Variants in CCDC88C observed in about 807,000 individuals in gnomAD.
The protein encoded by CCDC88C is protein Daple.
CCDC88C carries 131 observed loss-of-function variants against 198.8 expected under a neutral mutation model. The ratio of observed to expected loss-of-function variants is 0.66; its 90% CI spans 0.57 to 0.76. The LOEUF is 0.76. CCDC88C is among the 30% of genes least tolerant of loss of function. The pLI, the probability that CCDC88C is intolerant of heterozygous loss-of-function variation, is 0.00. For synonymous variants in CCDC88C, 1,166 were observed against 1,114.7 expected (o/e 1.05, Z -0.92); for missense variants, 2,553 against 2,631.6 (o/e 0.97, Z 0.65).
rs202080335 is a variant in CCDC88C, at chr14:91,339,887, G to A, written c.621C>T (p.Thr207=). ...RRLIDQRDEC[T]ELIVDLTQER... ...GGCCACCGACCCGCGGACGCACCTC[G>A]GTGCACTCGTCCCGCTGGTCGATGA... The change falls in exon 7 of 30, where the codon ACC becomes ACT. Residue 207 remains threonine (T), a synonymous_variant. Transcript: ENST00000389857. This position sits in a 1 kb window ranked among gnomAD's most constrained non-coding sequence, Gnocchi z 5.8. 1.6e-5 allele frequency: 26 copies of A among 1,584,340 alleles called. No individual in the cohort carries two copies. The highest frequency in any genetic ancestry group is 1.6e-4 in the Admixed American group (9 of 56,868).
rs1326814529 is a variant in CCDC88C at position 91,288,967 on chromosome 14, G to A, written c.4441+138C>T. The A allele has an allele frequency of 1.1e-5, 7 of 658,996 alleles. No individual in the cohort carries two copies. The highest frequency in any genetic ancestry group is 8.3e-5 in the East Asian group (3 of 36,362). The allele number at this position is 658,996 out of a possible 1,614,324, so 40.8% of individuals were successfully genotyped here. A position where few individuals can be genotyped will look rare whatever the true frequency, so the allele number is the denominator to read the frequency against. On this transcript the variant is annotated intron_variant, in intron 25 of 29. Coordinates refer to ENST00000389857, the MANE Select transcript of CCDC88C (RefSeq NM_001080414.4). This position sits in a 1 kb window ranked among gnomAD's most constrained non-coding sequence, Gnocchi z 4.2. ...GCCACGCTGAATTTCTACTTGGCTC[G>A]TAACACATCTAAGCGAAGGCGCACA...
intron 3 of CCDC88C, among the ~76,000 whole-genome samples, chr14:91,399,421 C>T (rs1019435038): frequency 2.0e-5 from 3 of 152,174 alleles, no homozygotes; most frequent in African/African-American, 4.8e-5. Context: ...TCCTAGAGCT[C>T]GTCCTTCTCT....
chr14:91,324,726 G>A, intron 12 of CCDC88C, 53 bp downstream of exon 12: 1 of 1,598,194 alleles, frequency 6.3e-7, no homozygotes, highest in Non-Finnish European at 8.5e-7. Flanking sequence ...CAGCTCCCTG[G>A]AGGCAGCGGC....
chr14:91,298,606 T>G (rs1035580064), intron 21 of CCDC88C, among the ~76,000 whole-genome samples: 3 of 152,042 alleles, frequency 2.0e-5, no homozygotes, highest in East Asian at 3.9e-4. Context: ...CAGGTTCTCT[T>G]AAAATATAAA....
intron 4 of CCDC88C, among the ~76,000 whole-genome samples, chr14:91,345,102 C>T (rs1488307524): frequency 2.0e-5 from 3 of 148,336 alleles, no homozygotes; most frequent in Non-Finnish European, 4.5e-5. Flanking sequence ...TTGATGGTTG[C>T]ATACTTACTT....
chr14:91,320,022 C>T (rs1423525179), intron 13 of CCDC88C, among the ~76,000 whole-genome samples: 1 of 51,260 alleles, frequency 2.0e-5, no homozygotes, highest in Non-Finnish European at 3.5e-5. Context: ...AAAACTCAGT[C>T]TCAAAAAAAA....
At chr14:91,337,456 C>T (rs1893095246) in intron 10 of CCDC88C, among the ~76,000 whole-genome samples, 1 of 152,240 alleles carries the variant, frequency 6.6e-6, no homozygotes, top group Non-Finnish European at 1.5e-5. Flanking sequence ...CCTCCTGCCT[C>T]AGCCTCCTGA....
At chr14:91,401,311 ATTT>A (rs201415188) in intron 3 of CCDC88C, among the ~76,000 whole-genome samples, 6 of 129,242 alleles carry the variant, frequency 4.6e-5, no homozygotes, top group South Asian at 2.3e-4. Flanking sequence ...TAATGTATAT[ATTT>A]ATTATATATT....
intron 3 of CCDC88C, among the ~76,000 whole-genome samples, chr14:91,391,741 T>C (rs960494646): frequency 4.6e-5 from 7 of 152,128 alleles, no homozygotes; most frequent in African/African-American, 9.7e-5. Context: ...ATCATGCCAC[T>C]GTACTCCAGC....
In CCDC88C at chr14:91,290,959, TTC is replaced by T. The variant is rs769245363; in HGVS notation, c.4202+34_4202+35del. The T allele has an allele frequency of 3.0e-3, 3,879 of 1,313,464 alleles. 7 individuals carry two copies. The highest frequency in any genetic ancestry group is 3.9e-3 in the Non-Finnish European group (3,631 of 921,824). The allele number at this position is 1,313,464 out of a possible 1,614,324, so 81.4% of individuals were successfully genotyped here. On this transcript the variant is annotated intron_variant, in intron 24 of 29. Transcript: ENST00000389857. The stretch of plus-strand genomic sequence containing the variant: ...GTGCACAGAAAAGGAAGCTTTTAAG[TTC>T]TGTCTTTATGCCACTACACTTAAAT...
Position 91,338,090 on chromosome 14 carries a change from G to A in CCDC88C, c.965C>T (p.Ala322Val), listed in dbSNP as rs200829106. Residue 322 changes from alanine (A) to valine (V), a missense_variant, in exon 10 of 30, where the codon GCG becomes GTG. Transcript: ENST00000389857. The surrounding 1 kb of genome is among the most constrained non-coding windows in gnomAD (Gnocchi z 4.8). Reference protein sequence around the residue: ...RDELDSLREKANRVERLELEL... With the variant: ...RDELDSLREKVNRVERLELEL... Reference sequence around the variant, plus strand: ...CAGCTCCAGCCTCTCCACGCGGTTCGCCTTCTCCCGCAGGGAATCCAGCTC... The same window carrying A: ...CAGCTCCAGCCTCTCCACGCGGTTCACCTTCTCCCGCAGGGAATCCAGCTC... 6.8e-6 allele frequency: 11 copies of A among 1,613,832 alleles called. No individual in the cohort carries two copies. In the Admixed American group the frequency reaches 1.3e-4, roughly 20 times the overall value.
At chr14:91,378,139 C>A (rs1884565535) in intron 3 of CCDC88C, among the ~76,000 whole-genome samples, 1 of 152,200 alleles carries the variant, frequency 6.6e-6, no homozygotes, top group Admixed American at 6.5e-5. Context: ...GTGAGGCCAT[C>A]TATAACAAGG....
intron 3 of CCDC88C, among the ~76,000 whole-genome samples, chr14:91,391,114 T>C (rs1291670783): frequency 3.9e-5 from 6 of 152,162 alleles, no homozygotes; most frequent in Admixed American, 3.3e-4. Context: ...ACCAGAATGT[T>C]CTAGAAGCCT....
At chr14:91,283,607 G>T in intron 25 of CCDC88C, 90 bp from the exon 26 acceptor site, 2 of 1,265,206 alleles carry the variant, frequency 1.6e-6, no homozygotes, top group Non-Finnish European at 2.2e-6. Context: ...CAGGGCAGCA[G>T]GGCATGAGGA....
In CCDC88C at chr14:91,338,575, A is replaced by G. The variant is rs1457739795; in HGVS notation, c.810-5T>C. On this transcript the variant is annotated splice_polypyrimidine_tract_variant and splice_region_variant and intron_variant, in intron 8 of 29. Transcript: ENST00000389857. The surrounding 1 kb of genome is among the most constrained non-coding windows in gnomAD (Gnocchi z 4.8). ...AGCTGCTCTGTCTTATCCTCCCTGC[A>G]GAGGCAGTAAGGAGAAAGAGTGTGG... The G allele has an allele frequency of 1.9e-6, 3 of 1,556,394 alleles. No individual in the cohort carries two copies. The highest frequency in any genetic ancestry group is 2.4e-5 in the East Asian group (1 of 41,470).
chr14:91,336,298 G>T lies in CCDC88C; in HGVS notation c.1050+1707C>A, dbSNP rs11848903. ...ATGCAGGCGGGTGCTGGGCAGACGC[G>T]TCTATGTGACTGAGCGAGGATGCTC... On this transcript the variant is annotated intron_variant, in intron 10 of 29. Transcript: ENST00000389857. Among the ~76,000 whole-genome samples, 426 of 152,296 alleles carry T rather than the reference G, an allele frequency of 2.8e-3. 4 individuals carry two copies. Among genetic ancestry groups the T allele is most frequent in the African/African-American group, 9.7e-3 (403 of 41,558 alleles).
chr14:91,372,544 G>GGGC (rs1894862708), intron 3 of CCDC88C, among the ~76,000 whole-genome samples: 1 of 103,784 alleles, frequency 9.6e-6, no homozygotes, highest in African/African-American at 4.8e-5. Context: ...GGGGCGGGCG[G>GGGC]GGGGGGGAGG....
chr14:91,310,134 C>T, intron 15 of CCDC88C, 148 bp from the exon 16 acceptor site: 1 of 778,268 alleles, frequency 1.3e-6, no homozygotes, highest in Admixed American at 3.2e-5. Flanking sequence ...CCCAGGGATG[C>T]TCTTCCCGAG....
rs531585644 is a variant in CCDC88C at position 91,318,739 on chromosome 14, G to A, written c.1527+2381C>T. On this transcript the variant is annotated intron_variant, in intron 13 of 29. Transcript: ENST00000389857. ...AGGAGACCAGCCTGGCCAACATGGCGAAACCTCATCTCCACTAAAAACACA... is the reference window on the plus strand; with the variant it reads ...AGGAGACCAGCCTGGCCAACATGGCAAAACCTCATCTCCACTAAAAACACA... Among the ~76,000 whole-genome samples, 8 of 151,874 alleles carry A rather than the reference G, an allele frequency of 5.3e-5. No homozygotes were observed. In the South Asian group the frequency reaches 8.3e-4, roughly 16 times the overall value.
Sources: allele counts gnomAD v4.1 joint callset (sites outside exome capture counted in the v4.1 genomes callset), GRCh38; gene constraint gnomAD v4.1.1; non-coding constraint Gnocchi (gnomAD v3.1); transcripts MANE v1.5; gene names NCBI Gene and HGNC (gene_info 2026-07-23, HGNC 2026-07-21).